Variants in SLC14A2 observed in about 807,000 individuals in gnomAD.
SLC14A2 encodes solute carrier family 14 member 2.
SLC14A2 carries 91 observed loss-of-function variants against 104.6 expected under a neutral mutation model. The ratio of observed to expected loss-of-function variants is 0.87; its 90% confidence interval spans 0.73 to 1.04. The LOEUF (loss-of-function observed/expected upper bound fraction) is 1.04. Ranked by LOEUF, SLC14A2 falls within the 50% of genes least tolerant of loss-of-function variation. SLC14A2 has a pLI of 0.00. For synonymous variants in SLC14A2, 476 were observed against 466.4 expected, an observed-to-expected ratio of 1.02 and a Z score of -0.27; for missense variants, 1,189 against 1,156.0, an observed-to-expected ratio of 1.03 and a Z score of -0.41.
At chr18:45,473,076 G>C (rs2087282495) in intron 1 of SLC14A2, among the ~76,000 whole-genome samples, 1 of 152,156 alleles carries the variant, frequency 6.6e-6, no homozygotes, top group Admixed American at 6.6e-5. Flanking sequence ...AAGGGGTCCA[G>C]GTTCAGTTTT....
At position 45,667,028 on chromosome 18, in the gene SLC14A2, A is replaced by C. The variant is rs746143146; in HGVS notation, c.1651A>C (p.Lys551Gln). ...WIRSSMAASG[K>Q]RVSKALSYIT... ...TCGGAGTTCCATGGCTGCCAGTGGGAAAAGGGTCAGCAAAGCCCTCAGCTA... is the reference window on the plus strand; with the variant it reads ...TCGGAGTTCCATGGCTGCCAGTGGGCAAAGGGTCAGCAAAGCCCTCAGCTA... The change falls in exon 13 of 20, where the codon AAA (lysine) becomes CAA (glutamine). Residue 551 changes from lysine (K) to glutamine (Q), a missense_variant. Transcript: ENST00000255226. 1 of 1,613,236 alleles carries C rather than the reference A, an allele frequency of 6.2e-7. No homozygotes were observed. Among genetic ancestry groups the C allele is most frequent in the Non-Finnish European group, 8.5e-7 (1 of 1,179,198 alleles).
At chr18:45,510,276 G>A (rs973540974) in intron 2 of SLC14A2, among the ~76,000 whole-genome samples, 1 of 152,194 alleles carries the variant, frequency 6.6e-6, no homozygotes, top group East Asian at 1.9e-4. Flanking sequence ...ATGTGATAGG[G>A]GAGAAAAAAA....
chr18:45,585,134 C>A (rs1353803510), intron 2 of SLC14A2, among the ~76,000 whole-genome samples: 1 of 128,698 alleles, frequency 7.8e-6, no homozygotes, highest in Non-Finnish European at 1.8e-5. Flanking sequence ...CTCTTTGACA[C>A]CATGTCCTCC....
At chr18:45,283,271 A>G (rs2084781363) in intron 1 of SLC14A2, among the ~76,000 whole-genome samples, 1 of 147,310 alleles carries the variant, frequency 6.8e-6, no homozygotes, top group African/African-American at 2.6e-5. Context: ...TTAAAAACTA[A>G]TATATCATCA....
At chr18:45,659,975 A>G (rs2045910462) in intron 10 of SLC14A2, among the ~76,000 whole-genome samples, 2 of 151,266 alleles carry the variant, frequency 1.3e-5, no homozygotes, top group South Asian at 4.2e-4. Context: ...AAAAAAAAAA[A>G]AAGAAAGAAA....
intron 5 of SLC14A2, among the ~76,000 whole-genome samples, chr18:45,636,160 G>A (rs1439863379): frequency 6.6e-6 from 1 of 152,204 alleles, no homozygotes; most frequent in African/African-American, 2.4e-5. Flanking sequence ...GGGTTTTCAG[G>A]AAGTCTTAAA....
At chr18:45,671,178 A>G (rs2046128200) in intron 16 of SLC14A2, among the ~76,000 whole-genome samples, 1 of 152,184 alleles carries the variant, frequency 6.6e-6, no homozygotes, top group Non-Finnish European at 1.5e-5. Context: ...ATTGCATTCT[A>G]TATGTCACAG....
chr18:45,667,056 T>C lies in SLC14A2; in HGVS notation c.1679T>C (p.Ile560Thr), dbSNP rs776055617. 5.6e-6 allele frequency: 9 copies of C among 1,613,832 alleles called. No individual in the cohort carries two copies. The highest frequency in any genetic ancestry group is 1.3e-5 in the African/African-American group (1 of 74,996). Residue 560 changes from isoleucine to threonine, a missense_variant, in exon 13 of 20, where the codon ATC (isoleucine) becomes ACC (threonine). Transcript: ENST00000255226. ...GKRVSKALSY[I>T]TGEMKECGEG... Reference sequence around the variant, plus strand: ...AGGGTCAGCAAAGCCCTCAGCTACATCACAGGAGAGATGAAGGAGTGTGGA... The same window carrying C: ...AGGGTCAGCAAAGCCCTCAGCTACACCACAGGAGAGATGAAGGAGTGTGGA...
intron 2 of SLC14A2, among the ~76,000 whole-genome samples, chr18:45,533,309 C>T (rs929846520): frequency 2.6e-5 from 4 of 152,186 alleles, no homozygotes; most frequent in Non-Finnish European, 4.4e-5. Flanking sequence ...TAGAATTCGG[C>T]TGTGAATCCA....
intron 1 of SLC14A2, among the ~76,000 whole-genome samples, chr18:45,247,938 G>A (rs966707035): frequency 6.6e-6 from 1 of 151,956 alleles, no homozygotes; most frequent in Non-Finnish European, 1.5e-5. Flanking sequence ...GTGTCCCTGG[G>A]GCCCATAACA....
At chr18:45,629,937 A>G (rs1041162755) in intron 4 of SLC14A2, among the ~76,000 whole-genome samples, 1 of 152,140 alleles carries the variant, frequency 6.6e-6, no homozygotes, top group Non-Finnish European at 1.5e-5. Context: ...GTGATCCCTG[A>G]CACCAGCTGT....
intron 1 of SLC14A2, among the ~76,000 whole-genome samples, chr18:45,394,343 C>A (rs1392818620): frequency 2.0e-5 from 3 of 152,142 alleles, no homozygotes; most frequent in Admixed American, 6.6e-5. Flanking sequence ...ATCACAGAAT[C>A]ATGCTCCTTA....
chr18:45,510,818 G>T (rs979488700), intron 2 of SLC14A2, among the ~76,000 whole-genome samples: 1 of 152,226 alleles, frequency 6.6e-6, no homozygotes, highest in African/African-American at 2.4e-5. Context: ...GCTGGCATTT[G>T]CAAAGGCCAC....
the SLC14A2 span, among the ~76,000 whole-genome samples, chr18:45,178,383 G>T: frequency 3.2e-4 from 49 of 151,946 alleles, no homozygotes; most frequent in African/African-American, 1.1e-3. Flanking sequence ...AGATGAGTAA[G>T]ATTAAAAAAA....
At chr18:45,516,180 T>C (rs1380723409) in intron 2 of SLC14A2, among the ~76,000 whole-genome samples, 3 of 152,320 alleles carry the variant, frequency 2.0e-5, no homozygotes, top group South Asian at 2.1e-4. Flanking sequence ...ATTGAATATA[T>C]AGTTTTTCCT....
In SLC14A2 at chr18:45,668,497, G is replaced by T. The variant is rs2046071024; in HGVS notation, c.2036+20G>T. On this transcript the variant is annotated intron_variant, in intron 15 of 19. Transcript: ENST00000255226. Reference sequence around the variant, plus strand: ...GTCTTGGTAAGTTTGCTTTTGAAGGGTTGTGGGTTCATATCAATGGCCACC... The same window carrying T: ...GTCTTGGTAAGTTTGCTTTTGAAGGTTTGTGGGTTCATATCAATGGCCACC... 1 of 1,613,960 alleles carries T rather than the reference G, an allele frequency of 6.2e-7. No homozygotes were observed.
At chr18:45,489,549 G>T (rs935754334) in intron 2 of SLC14A2, among the ~76,000 whole-genome samples, 6 of 152,050 alleles carry the variant, frequency 3.9e-5, no homozygotes, top group East Asian at 3.8e-4. Context: ...TTGGGGGAGA[G>T]AATTTTTAAT....
At chr18:45,577,824 G>A (rs910647092) in intron 2 of SLC14A2, among the ~76,000 whole-genome samples, 4 of 152,118 alleles carry the variant, frequency 2.6e-5, no homozygotes, top group African/African-American at 9.7e-5. Context: ...AACTAGCTCT[G>A]CCCTACAGGA....
chr18:45,435,174 C>T (rs1211720900), intron 1 of SLC14A2: 1 of 152,102 alleles, frequency 6.6e-6, no homozygotes, highest in African/African-American at 2.4e-5. Flanking sequence ...GTTAGTTTCC[C>T]AGAAGATGAT....
Sources: allele counts gnomAD v4.1 joint callset (sites outside exome capture counted in the v4.1 genomes callset), GRCh38; gene constraint gnomAD v4.1.1; transcripts MANE v1.5; gene names NCBI Gene and HGNC (gene_info 2026-07-23, HGNC 2026-07-21).